TMEM245: variants seen among roughly 807,000 people sequenced by gnomAD.
TMEM245 encodes protein CG-2.
TMEM245 carries 69 observed loss-of-function variants against 101.2 expected under a neutral mutation model. The observed-to-expected ratio is 0.68, with a 90% confidence interval of 0.56 to 0.83. The LOEUF (loss-of-function observed/expected upper bound fraction) is 0.83, where lower values mean the gene tolerates loss of function less well. Ranked by LOEUF, TMEM245 falls within the 40% of genes least tolerant of loss-of-function variation. The pLI, the probability that TMEM245 is intolerant of heterozygous loss-of-function variation, is 0.00. For synonymous variants in TMEM245, 537 were observed against 449.8 expected (o/e 1.19, Z -2.45); for missense variants, 1,075 against 1,092.8 (o/e 0.98, Z 0.23).
At chr9:109,080,723 T>C in intron 8 of TMEM245, 116 bp downstream of exon 8, 6 of 667,718 alleles carry the variant, frequency 9.0e-6, no homozygotes, top group South Asian at 2.0e-5. Flanking sequence ...TTAGCTATTG[T>C]ACATACTTTT....
chr9:109,110,698 A>C (rs1252310215), intron 1 of TMEM245, among the ~76,000 whole-genome samples: 1 of 152,204 alleles, frequency 6.6e-6, no homozygotes, highest in Non-Finnish European at 1.5e-5. Context: ...GATTTTACAC[A>C]AATCAGTTAT....
At chr9:109,088,247 C>T (rs1056276724) in intron 5 of TMEM245, among the ~76,000 whole-genome samples, 1 of 152,114 alleles carries the variant, frequency 6.6e-6, no homozygotes, top group South Asian at 2.1e-4. Flanking sequence ...GTGTTACACA[C>T]AAGTTCAACA....
chr9:109,103,043 AG>A (rs1270245956), intron 3 of TMEM245, among the ~76,000 whole-genome samples: 3 of 152,234 alleles, frequency 2.0e-5, no homozygotes, highest in African/African-American at 7.2e-5. Flanking sequence ...ACTCACAGCC[AG>A]GGTACCTCAA....
chr9:109,119,739 C>A lies in TMEM245; in HGVS notation c.175G>T (p.Ala59Ser). ...PIKQAFYNTG[A>S]VLFVCLCCGA... ...CAGCACAGGCACACGAACAGCACGG[C>A]CCCGGTGTTGTAGAAGGCCTGCTTA... Residue 59 changes from alanine to serine, a missense_variant, in exon 1 of 18, where the codon GCC becomes TCC. Physicochemically the swap from Ala to Ser is moderately conservative, Grantham distance 99. Around this residue, in one of 2 missense-constraint regions of TMEM245, gnomAD observed 808 missense variants for 741.5 expected, o/e 1.09. Transcript: ENST00000374586. 2.0e-6 allele frequency: 3 copies of A among 1,533,324 alleles called. No homozygotes were observed. The highest frequency in any genetic ancestry group is 2.6e-5 in the East Asian group (1 of 38,204). 95.0% of individuals were successfully genotyped at this position (1,533,324 alleles called of 1,614,324 possible). A position where few individuals can be genotyped will look rare whatever the true frequency, so the allele number is the denominator to read the frequency against.
chr9:109,023,354 C>T (rs1335456229), intron 17 of TMEM245, among the ~76,000 whole-genome samples: 3 of 152,290 alleles, frequency 2.0e-5, no homozygotes, highest in South Asian at 4.1e-4. Flanking sequence ...ATTCCAGAGG[C>T]ATAGCTCTAA....
intron 14 of TMEM245, among the ~76,000 whole-genome samples, chr9:109,047,102 G>A (rs761808694): frequency 1.3e-5 from 2 of 152,094 alleles, no homozygotes; most frequent in Non-Finnish European, 2.9e-5. Context: ...TCTTTAGTCT[G>A]TACCATATTT....
chr9:109,051,339 C>CACACACAT (rs1005589201), intron 12 of TMEM245, among the ~76,000 whole-genome samples: 1 of 146,984 alleles, frequency 6.8e-6, no homozygotes, highest in Non-Finnish European at 1.5e-5. Flanking sequence ...CACACACACA[C>CACACACAT]ATCATTGTAG....
At chr9:109,047,530 C>T (rs1362136428) in intron 14 of TMEM245, among the ~76,000 whole-genome samples, 1 of 152,140 alleles carries the variant, frequency 6.6e-6, no homozygotes, top group Admixed American at 6.5e-5. Flanking sequence ...CTAGGTGTGA[C>T]TAACAGCTTT....
intron 10 of TMEM245, among the ~76,000 whole-genome samples, chr9:109,062,597 T>C (rs1169955395): frequency 6.6e-6 from 1 of 152,246 alleles, no homozygotes; most frequent in Admixed American, 6.5e-5. Context: ...ACTAGACATA[T>C]TCAATGCAAA....
At chr9:109,090,855 A>G (rs1310379245) in intron 5 of TMEM245, 67 bp downstream of exon 5, 11 of 1,462,120 alleles carry the variant, frequency 7.5e-6, no homozygotes, top group African/African-American at 5.7e-5. Context: ...ATTAAAATCC[A>G]AAAGTAAAAA....
chr9:109,119,198 G>A (rs762037755), intron 1 of TMEM245, 137 bp downstream of exon 1: 7 of 812,156 alleles, frequency 8.6e-6, no homozygotes, highest in African/African-American at 1.8e-5. Context: ...GTGTGAGAAG[G>A]AAAGCGGAGA....
chr9:109,080,227 A>C (rs1287505560), intron 8 of TMEM245, among the ~76,000 whole-genome samples: 1 of 152,148 alleles, frequency 6.6e-6, no homozygotes, highest in African/African-American at 2.4e-5. Flanking sequence ...GGTTCAGATA[A>C]AATAAAGATT....
chr9:109,057,294 C>G lies in TMEM245; in HGVS notation c.1751G>C (p.Gly584Ala), dbSNP rs1426228182. The G allele has an allele frequency of 6.2e-7, 1 of 1,614,096 alleles. No homozygotes were observed. ...CTGACGACTGACATGCAACTTCTGT[C>G]CTTTGTGCCTTCCAGAGTGTGTTAC... is the stretch of plus-strand genomic sequence containing the variant. ...KNVTHSGRHK[G>A]QKLHVSRQNS... The change falls in exon 12 of 18, where the codon GGA becomes GCA. Residue 584 changes from glycine to alanine, a missense_variant. Gly to Ala is a moderately conservative substitution (Grantham distance 60). Coordinates refer to ENST00000374586, the MANE Select transcript of TMEM245 (RefSeq NM_032012.4).
At chr9:109,095,891 GA>G (rs2132592351) in intron 3 of TMEM245, among the ~76,000 whole-genome samples, 1 of 152,230 alleles carries the variant, frequency 6.6e-6, no homozygotes, top group Non-Finnish European at 1.5e-5. Flanking sequence ...CTTGTCTGGA[GA>G]AAAAGAGACT....
At chr9:109,062,975 A>G (rs547436632) in intron 10 of TMEM245, among the ~76,000 whole-genome samples, 2 of 143,022 alleles carry the variant, frequency 1.4e-5, no homozygotes, top group South Asian at 4.6e-4. Context: ...CTCTCCACAA[A>G]AAGAAAAAAA....
chr9:109,034,275 G>A (rs1167530933), intron 16 of TMEM245, among the ~76,000 whole-genome samples: 1 of 152,200 alleles, frequency 6.6e-6, no homozygotes, highest in East Asian at 1.9e-4. Flanking sequence ...ATCCTGGAAG[G>A]ATGTTCTATA....
intron 11 of TMEM245, among the ~76,000 whole-genome samples, chr9:109,058,954 G>C (rs1455372665): frequency 6.6e-6 from 1 of 152,120 alleles, no homozygotes; most frequent in Non-Finnish European, 1.5e-5. Context: ...CCTGGATTTT[G>C]GTACCAGAGG....
At chr9:109,090,586 T>C (rs1332005905) in intron 5 of TMEM245, among the ~76,000 whole-genome samples, 2 of 151,640 alleles carry the variant, frequency 1.3e-5, no homozygotes, top group Non-Finnish European at 2.9e-5. Context: ...TAGCCGGGTG[T>C]GGTGGTGGGC....
chr9:109,022,322 A>G (rs1827652563), intron 17 of TMEM245, among the ~76,000 whole-genome samples: 1 of 152,198 alleles, frequency 6.6e-6, no homozygotes, highest in Non-Finnish European at 1.5e-5. Context: ...GAGAGGGTTT[A>G]TGTGTGACAT....
Sources: allele counts gnomAD v4.1 joint callset (sites outside exome capture counted in the v4.1 genomes callset), GRCh38; gene constraint gnomAD v4.1.1; regional missense constraint gnomAD v4.1.1; transcripts MANE v1.5; gene names NCBI Gene and HGNC (gene_info 2026-07-23, HGNC 2026-07-21).